Variants in APAF1 observed in about 807,000 individuals in gnomAD.
APAF1 encodes apoptotic protease-activating factor 1.
In APAF1, 91 loss-of-function variants were observed where a neutral mutation model predicts 152.4. The observed-to-expected ratio is 0.60, with a 90% CI of 0.50 to 0.71. APAF1 has a LOEUF of 0.71. APAF1 is among the 30% of genes least tolerant of loss of function. The pLI is 0.00. For missense variants in APAF1, 1,283 were observed against 1,472.0 expected, an observed-to-expected ratio of 0.87 and a Z score of 2.10; for synonymous variants, 484 against 494.1, an observed-to-expected ratio of 0.98 and a Z score of 0.27.
At chr12:98,699,665 G>A (rs185957642) in intron 17 of APAF1, 96 bp downstream of exon 17, 11 of 1,401,436 alleles carry the variant, frequency 7.8e-6, no homozygotes, top group Non-Finnish European at 9.9e-6. Context: ...TAAAAATAAA[G>A]TCTAGCTGTG....
chr12:98,689,463 AGT>A (rs1491402557), intron 16 of APAF1, among the ~76,000 whole-genome samples: 73 of 94,112 alleles, frequency 7.8e-4, no homozygotes, highest in East Asian at 2.2e-3. Flanking sequence ...AGAGAGAGAG[AGT>A]GTGTGTGTCT....
At chr12:98,666,895 A>G (rs2097673588) in intron 9 of APAF1, among the ~76,000 whole-genome samples, 2 of 152,126 alleles carry the variant, frequency 1.3e-5, no homozygotes, top group Admixed American at 1.3e-4. Context: ...CATGTTGCCC[A>G]GGCTGTTCTT....
intron 18 of APAF1, among the ~76,000 whole-genome samples, 188 bp downstream of exon 18, chr12:98,703,687 T>C (rs1209974999): frequency 6.6e-6 from 1 of 152,232 alleles, no homozygotes; most frequent in Non-Finnish European, 1.5e-5. Flanking sequence ...ATTTTAACAG[T>C]GATTGCAGAC....
At chr12:98,652,634 TA>T (rs201015522) in intron 4 of APAF1, among the ~76,000 whole-genome samples, 3 of 151,962 alleles carry the variant, frequency 2.0e-5, no homozygotes, top group African/African-American at 4.8e-5. Flanking sequence ...TATTTTATTT[TA>T]TTTTTTTTGA....
In APAF1 at chr12:98,723,313, G is replaced by A; in HGVS notation, c.3204+1G>A. The A allele has an allele frequency of 6.2e-7, 1 of 1,612,442 alleles. No individual in the cohort carries two copies. The highest frequency in any genetic ancestry group is 8.5e-7 in the Non-Finnish European group (1 of 1,178,952). On this transcript the variant is annotated splice_donor_variant, in intron 23 of 26. Transcript: ENST00000551964. LOFTEE classifies it high-confidence loss of function. The stretch of plus-strand genomic sequence containing the variant: ...TTGGTCATTTGATGGAACAGTGAAG[G>A]TAATTTAAAGTATAAATTTGTTTTT...
At chr12:98,646,961 T>G (rs1273665829) in intron 1 of APAF1, among the ~76,000 whole-genome samples, 3 of 152,152 alleles carry the variant, frequency 2.0e-5, no homozygotes, top group Admixed American at 1.3e-4. Context: ...GAACGAGAAC[T>G]AATACTCAAT....
rs1317282671 is a variant in APAF1 at position 98,733,199 on chromosome 12, A to G, written c.*633A>G. 2 of 153,346 alleles carry G rather than the reference A, an allele frequency of 1.3e-5. No individual in the cohort carries two copies. Among genetic ancestry groups the G allele is most frequent in the African/African-American group, 4.8e-5 (2 of 41,314 alleles). The allele number at this position is 153,346 out of a possible 1,614,324, so 9.5% of individuals were successfully genotyped here. A position where few individuals can be genotyped will look rare whatever the true frequency, so the allele number is the denominator to read the frequency against. Reference sequence around the variant, plus strand: ...TGCCAGGCTGGAGTGCAGTGGCGCGATCTCGGCTCACCACAATCGCTGCCT... The same window carrying G: ...TGCCAGGCTGGAGTGCAGTGGCGCGGTCTCGGCTCACCACAATCGCTGCCT... On this transcript the variant is annotated 3_prime_UTR_variant, in exon 27 of 27. Transcript: ENST00000551964.
chr12:98,649,847 G>A (rs2097646675), intron 4 of APAF1, among the ~76,000 whole-genome samples, 163 bp downstream of exon 4: 1 of 152,156 alleles, frequency 6.6e-6, no homozygotes, highest in African/African-American at 2.4e-5. Context: ...GGATGGATAG[G>A]ACAAGCTTCC....
At position 98,735,266 on chromosome 12, in the gene APAF1, G is replaced by C; in HGVS notation, c.*2700G>C. ...ATTTTTTTGTATTATAAATTACATT[G>C]GACTTCATATATATAATTTTTTTTT... On this transcript the variant is annotated 3_prime_UTR_variant, in exon 27 of 27. Coordinates refer to ENST00000551964, the MANE Select transcript of APAF1 (RefSeq NM_181861.2). 1 of 399,386 alleles carries C rather than the reference G, an allele frequency of 2.5e-6. No homozygotes were observed. The highest frequency in any genetic ancestry group is 2.1e-5 in the African/African-American group (1 of 48,600). The allele number at this position is 399,386 out of a possible 1,614,324, so 24.7% of individuals were successfully genotyped here.
intron 17 of APAF1, among the ~76,000 whole-genome samples, chr12:98,699,840 C>A (rs2097713471): frequency 6.6e-6 from 1 of 152,138 alleles, no homozygotes; most frequent in South Asian, 2.1e-4. Context: ...ATATTCAGGG[C>A]CCCAGGAAGT....
At chr12:98,683,066 A>G (rs1459984202) in intron 14 of APAF1, 77 bp from the exon 15 acceptor site, 2 of 1,149,204 alleles carry the variant, frequency 1.7e-6, no homozygotes, top group Admixed American at 1.9e-5. Context: ...TTTGCAAAGC[A>G]ATGGACATTG....
intron 24 of APAF1, 25 bp downstream of exon 24, chr12:98,723,789 C>A (rs2097746563): frequency 6.2e-7 from 1 of 1,612,998 alleles, no homozygotes; most frequent in Non-Finnish European, 8.5e-7. Context: ...TGAAACCATG[C>A]ATAAAACTTT....
At chr12:98,731,411 C>T (rs775277185) in intron 26 of APAF1, among the ~76,000 whole-genome samples, 1 of 152,208 alleles carries the variant, frequency 6.6e-6, no homozygotes, top group Non-Finnish European at 1.5e-5. Flanking sequence ...GCCTTAGTGA[C>T]TGAAAACAAA....
At chr12:98,666,129 C>T in intron 8 of APAF1, 61 bp from the exon 9 acceptor site, 1 of 1,487,164 alleles carries the variant, frequency 6.7e-7, no homozygotes, top group Non-Finnish European at 9.4e-7. Flanking sequence ...GTGATAATAC[C>T]TGTCTACAGT....
intron 1 of APAF1, among the ~76,000 whole-genome samples, chr12:98,646,425 CCT>C (rs1443418037): frequency 6.6e-6 from 1 of 152,210 alleles, no homozygotes; most frequent in African/African-American, 2.4e-5. Context: ...TACGTCCGTC[CCT>C]GTTTTTCCAA....
intron 10 of APAF1, 121 bp downstream of exon 10, chr12:98,667,765 A>ATTT (rs71305589): frequency 0.012 from 3,810 of 320,476 alleles, 41 homozygotes; most frequent in East Asian, 0.028. Flanking sequence ...TTTCCATTTG[A>ATTT]TTTTTTTTTT....
chr12:98,671,803 G>A (rs892996018), intron 12 of APAF1, 84 bp downstream of exon 12: 10 of 1,368,184 alleles, frequency 7.3e-6, no homozygotes, highest in Admixed American at 5.3e-5. Context: ...ATCACTCCAG[G>A]AGGATTTAAC....
intron 5 of APAF1, among the ~76,000 whole-genome samples, chr12:98,660,591 T>G (rs1342583785): frequency 6.6e-6 from 1 of 152,236 alleles, no homozygotes; most frequent in Admixed American, 6.5e-5. Context: ...GCTGCTTGTC[T>G]TAAGAGTATA....
At chr12:98,681,755 G>A (rs985478751) in intron 14 of APAF1, among the ~76,000 whole-genome samples, 10 of 152,178 alleles carry the variant, frequency 6.6e-5, no homozygotes, top group Non-Finnish European at 1.3e-4. Flanking sequence ...ACTGAGGGCA[G>A]TTCTAAAGTC....
Sources: gnomAD v4.1 joint callset for allele counts (sites outside exome capture counted in the v4.1 genomes callset) on GRCh38, gnomAD v4.1.1 for gene constraint, MANE v1.5 for transcripts, NCBI Gene and HGNC (gene_info 2026-07-23, HGNC 2026-07-21) for gene names.